The following BMERB1 variants were observed in gnomAD, a reference collection of about 807,000 sequenced individuals.
The protein encoded by BMERB1 is bMERB domain containing 1, also known as bMERB domain-containing protein 1.
BMERB1 carries 12 observed loss-of-function variants against 23.6 expected under a neutral mutation model. The ratio of observed to expected loss-of-function variants is 0.51; its 90% CI spans 0.33 to 0.82. BMERB1 has a LOEUF of 0.82. Ranked by LOEUF, BMERB1 falls within the 40% of genes least tolerant of loss-of-function variation. The pLI is 0.03. For synonymous variants in BMERB1, 122 were observed against 96.6 expected (o/e 1.26, Z -1.54); for missense variants, 247 against 255.4 (o/e 0.97, Z 0.22).
chr16:15,494,693 A>G (rs1365957518), intron 1 of BMERB1, among the ~76,000 whole-genome samples: 3 of 152,150 alleles, frequency 2.0e-5, no homozygotes, highest in Admixed American at 6.5e-5. Context: ...GGTTGATCAA[A>G]TGAAATTTAA....
intron 1 of BMERB1, among the ~76,000 whole-genome samples, chr16:15,488,229 A>AACAGT (rs2051384140): frequency 6.6e-6 from 1 of 152,164 alleles, no homozygotes; most frequent in Admixed American, 6.6e-5. Context: ...ATAAAGCTTT[A>AACAGT]TTTATAGATG....
intron 2 of BMERB1, among the ~76,000 whole-genome samples, chr16:15,531,625 G>T (rs2051968422): frequency 6.6e-6 from 1 of 152,172 alleles, no homozygotes; most frequent in Non-Finnish European, 1.5e-5. Context: ...GCTTCATCCT[G>T]TGCCGGGTTC....
intron 1 of BMERB1, among the ~76,000 whole-genome samples, chr16:15,453,153 C>T (rs942627744): frequency 6.6e-6 from 1 of 152,026 alleles, no homozygotes; most frequent in African/African-American, 2.4e-5. Flanking sequence ...ACCTGGGCAA[C>T]AGCACGAGAC....
intron 1 of BMERB1, among the ~76,000 whole-genome samples, chr16:15,511,177 A>G (rs1397108029): frequency 6.6e-6 from 1 of 152,094 alleles, no homozygotes; most frequent in African/African-American, 2.4e-5. Flanking sequence ...TTTAGGCAGC[A>G]CATCACATGA....
rs79828632 is a variant in BMERB1 at position 15,447,852 on chromosome 16, T to C, written c.106+13093T>C. The C allele has an allele frequency of 5.6e-3, 2,551 of 455,914 alleles. 57 individuals carry two copies. The highest frequency in any genetic ancestry group is 0.048 in the African/African-American group (2,403 of 50,128). The allele number at this position is 455,914 out of a possible 1,614,324, so 28.2% of individuals were successfully genotyped here. Reference sequence around the variant, plus strand: ...AAAAAGGACTGGCAATATGGGGCCATTGGAGGACAAGGGATGGAGGGAAAG... The same window carrying C: ...AAAAAGGACTGGCAATATGGGGCCACTGGAGGACAAGGGATGGAGGGAAAG... On this transcript the variant is annotated intron_variant, in intron 1 of 5. Transcript: ENST00000300006.
chr16:15,542,298 C>T (rs956323600), intron 2 of BMERB1, among the ~76,000 whole-genome samples: 13 of 145,644 alleles, frequency 8.9e-5, no homozygotes, highest in African/African-American at 3.4e-4. Context: ...CTCCTGACCT[C>T]GTGATCTGCC....
At chr16:15,558,764 T>G (rs936240189) in intron 2 of BMERB1, among the ~76,000 whole-genome samples, 2 of 151,700 alleles carry the variant, frequency 1.3e-5, no homozygotes, top group African/African-American at 2.4e-5. Flanking sequence ...TATATAAGTT[T>G]TAAGACCAGC....
intron 1 of BMERB1, among the ~76,000 whole-genome samples, chr16:15,453,669 C>G (rs555349950): frequency 1.5e-4 from 23 of 152,132 alleles, no homozygotes; most frequent in African/African-American, 5.3e-4. Context: ...GTCAGGAGTT[C>G]GAGACCAGCC....
chr16:15,583,250 C>T lies in BMERB1; in HGVS notation c.502+12C>T, dbSNP rs770221218. The stretch of plus-strand genomic sequence containing the variant: ...CAAATCTCCAGCCAGTGAGTATATA[C>T]ATTATTCATTCCCCTCCCCCACAAA... On this transcript the variant is annotated intron_variant, in intron 5 of 5. Transcript: ENST00000300006. 4.5e-6 allele frequency: 7 copies of T among 1,563,716 alleles called. No individual in the cohort carries two copies. The highest frequency in any genetic ancestry group is 1.4e-5 in the African/African-American group (1 of 73,880).
intron 2 of BMERB1, among the ~76,000 whole-genome samples, chr16:15,566,304 C>T (rs184447445): frequency 2.1e-4 from 32 of 152,258 alleles, no homozygotes; most frequent in Admixed American, 2.1e-3. Context: ...ACCCACTGTC[C>T]CCCATGGCCA....
chr16:15,500,434 C>A (rs920905256), intron 1 of BMERB1, among the ~76,000 whole-genome samples: 1 of 151,980 alleles, frequency 6.6e-6, no homozygotes, highest in Non-Finnish European at 1.5e-5. Flanking sequence ...GGAGGTGGGA[C>A]GAGAGGGTCC....
intron 2 of BMERB1, among the ~76,000 whole-genome samples, chr16:15,558,566 A>T (rs2030331144): frequency 6.6e-6 from 1 of 152,130 alleles, no homozygotes; most frequent in Non-Finnish European, 1.5e-5. Context: ...AACGGGTTCG[A>T]ACTGGACAGG....
intron 2 of BMERB1, among the ~76,000 whole-genome samples, chr16:15,557,121 G>A (rs2030283912): frequency 6.6e-6 from 1 of 152,090 alleles, no homozygotes; most frequent in African/African-American, 2.4e-5. Flanking sequence ...TATTCCAGCA[G>A]GGCCTGATCA....
chr16:15,498,616 AAAAG>A (rs771550467), intron 1 of BMERB1, among the ~76,000 whole-genome samples: 90 of 151,974 alleles, frequency 5.9e-4, no homozygotes, highest in Non-Finnish European at 1.1e-3. Flanking sequence ...AAGGAAGGAA[AAAAG>A]AAAGAGAAAG....
At chr16:15,475,102 G>A (rs1011089367) in intron 1 of BMERB1, among the ~76,000 whole-genome samples, 1 of 152,104 alleles carries the variant, frequency 6.6e-6, no homozygotes, top group Non-Finnish European at 1.5e-5. Context: ...GAAAATATGA[G>A]GAACAAACCT....
At chr16:15,445,750 A>G (rs148187656) in intron 1 of BMERB1, among the ~76,000 whole-genome samples, 72 of 152,334 alleles carry the variant, frequency 4.7e-4, no homozygotes, top group South Asian at 1.0e-3. Flanking sequence ...CACCAATCAT[A>G]GGACCCAGAC....
chr16:15,563,429 C>T lies in BMERB1; in HGVS notation c.231-4554C>T, dbSNP rs535056602. ...AGAGACGGGGTTTCACCATGTTAGACAGGATGGTCTCGATCTCCTGACCTC... is the reference window on the plus strand; with the variant it reads ...AGAGACGGGGTTTCACCATGTTAGATAGGATGGTCTCGATCTCCTGACCTC... On this transcript the variant is annotated intron_variant, in intron 2 of 5. Coordinates refer to ENST00000300006, the MANE Select transcript of BMERB1 (RefSeq NM_033201.3). Among the ~76,000 whole-genome samples, 5 of 152,090 alleles carry T rather than the reference C, an allele frequency of 3.3e-5. No individual in the cohort carries two copies. In the East Asian group the frequency reaches 9.7e-4, roughly 30 times the overall value.
chr16:15,515,373 A>G lies in BMERB1; in HGVS notation c.175A>G (p.Lys59Glu). The G allele has an allele frequency of 3.7e-6, 6 of 1,613,984 alleles. No individual in the cohort carries two copies. The highest frequency in any genetic ancestry group is 3.3e-4 in the Middle Eastern group (2 of 5,986). ...AGAGGAGATTGAGCTGGAGATGGCAAAAATTCAGCGTCTCCGGGAAGTCTT... is the reference window on the plus strand; with the variant it reads ...AGAGGAGATTGAGCTGGAGATGGCAGAAATTCAGCGTCTCCGGGAAGTCTT... ...MPEEIELEMA[K>E]IQRLREVLVR... is the part of the protein sequence containing the mutation. Residue 59 changes from lysine (K) to glutamate (E), a missense_variant, in exon 2 of 6, where the codon AAA becomes GAA. By Grantham distance (56) the Lys-to-Glu change is moderately conservative. Transcript: ENST00000300006.
intron 2 of BMERB1, among the ~76,000 whole-genome samples, chr16:15,554,639 A>AG (rs1304983849): frequency 3.3e-5 from 5 of 149,854 alleles, no homozygotes; most frequent in Non-Finnish European, 7.4e-5. Flanking sequence ...CCTCTAAAAA[A>AG]GAAAAAAAAA....
Sources: gnomAD v4.1 joint callset for allele counts (sites outside exome capture counted in the v4.1 genomes callset) on GRCh38, gnomAD v4.1.1 for gene constraint, MANE v1.5 for transcripts, NCBI Gene and HGNC (gene_info 2026-07-23, HGNC 2026-07-21) for gene names.